Variants in TRAPPC9 observed in about 807,000 individuals in gnomAD.
TRAPPC9 encodes IKK2 binding protein.
TRAPPC9 carries 83 observed loss-of-function variants against 124.0 expected under a neutral mutation model. The observed-to-expected ratio is 0.67, with a 90% CI of 0.56 to 0.80. The LOEUF (loss-of-function observed/expected upper bound fraction) is 0.80. TRAPPC9 is among the 30% of genes least tolerant of loss of function. The pLI is 0.00. For synonymous variants in TRAPPC9, 638 were observed against 617.5 expected (o/e 1.03, Z -0.49); for missense variants, 1,302 against 1,508.3 (o/e 0.86, Z 2.27).
At chr8:140,043,947 A>C (rs947688911) in intron 17 of TRAPPC9, among the ~76,000 whole-genome samples, 6 of 152,100 alleles carry the variant, frequency 3.9e-5, no homozygotes, top group Non-Finnish European at 5.9e-5. Flanking sequence ...TTCTACCATG[A>C]GGCCTGCCTA....
chr8:140,313,457 CACAG>C (rs1199120305), intron 9 of TRAPPC9, among the ~76,000 whole-genome samples: 1 of 152,198 alleles, frequency 6.6e-6, no homozygotes, highest in East Asian at 1.9e-4. Flanking sequence ...CACTGAGTAG[CACAG>C]GGGAGGCTGC....
intron 16 of TRAPPC9, among the ~76,000 whole-genome samples, chr8:140,230,966 AG>A (rs1479890202): frequency 2.0e-5 from 3 of 152,174 alleles, no homozygotes; most frequent in Non-Finnish European, 2.9e-5. Flanking sequence ...TGACTGACAC[AG>A]GAAGTCAGAC....
At chr8:140,236,736 T>C (rs2063739666) in intron 16 of TRAPPC9, among the ~76,000 whole-genome samples, 1 of 152,116 alleles carries the variant, frequency 6.6e-6, no homozygotes, top group Non-Finnish European at 1.5e-5. Flanking sequence ...ACATTTAAAA[T>C]GAAAAATAAA....
At chr8:140,238,128 G>A (rs1458902683) in intron 16 of TRAPPC9, among the ~76,000 whole-genome samples, 1 of 152,182 alleles carries the variant, frequency 6.6e-6, no homozygotes, top group Non-Finnish European at 1.5e-5. Context: ...GGCGGAAAGG[G>A]CAGTAATGAG....
chr8:139,910,957 TTAAGAC>T (rs1298175313), intron 19 of TRAPPC9, among the ~76,000 whole-genome samples: 2 of 152,214 alleles, frequency 1.3e-5, no homozygotes, highest in Non-Finnish European at 2.9e-5. Flanking sequence ...TTGAAATCAG[TTAAGAC>T]TTTGGGAGAC....
At chr8:139,874,072 G>A (rs1315878640) in intron 21 of TRAPPC9, among the ~76,000 whole-genome samples, 2 of 152,248 alleles carry the variant, frequency 1.3e-5, no homozygotes, top group East Asian at 1.9e-4. Flanking sequence ...AGGCACGCAC[G>A]CTGCACCAGT....
chr8:140,405,671 G>C lies in TRAPPC9; in HGVS notation c.914C>G (p.Pro305Arg). The C allele has an allele frequency of 1.2e-6, 2 of 1,614,180 alleles. No individual in the cohort carries two copies. The highest frequency in any genetic ancestry group is 1.7e-6 in the Non-Finnish European group (2 of 1,180,024). Residue 305 changes from proline (P) to arginine (R), a missense_variant, in exon 6 of 23, where the codon CCT becomes CGT. This residue lies in a region of TRAPPC9 where 657 missense variants were observed against 811.2 expected (regional missense o/e 0.81). Coordinates refer to ENST00000438773, the MANE Select transcript of TRAPPC9 (RefSeq NM_001160372.4). Reference sequence around the variant, plus strand: ...ACGTCCGATCTCAGTACTGGTGTCAGGGTTGATGCCATTGGTGGTGAGGGC... The same window carrying C: ...ACGTCCGATCTCAGTACTGGTGTCACGGTTGATGCCATTGGTGGTGAGGGC... ...PGALTTNGIN[P>R]DTSTEIGRAK...
At chr8:140,125,220 C>T (rs2061067145) in intron 17 of TRAPPC9, among the ~76,000 whole-genome samples, 1 of 152,196 alleles carries the variant, frequency 6.6e-6, no homozygotes, top group Middle Eastern at 3.2e-3. Context: ...CCCTAAGGGC[C>T]TCAAAGGTAA....
chr8:140,014,745 A>T (rs1839355393), intron 18 of TRAPPC9, among the ~76,000 whole-genome samples: 1 of 152,328 alleles, frequency 6.6e-6, no homozygotes, highest in East Asian at 1.9e-4. Flanking sequence ...CCAAGGCCAC[A>T]GTTCAGATTG....
chr8:140,456,751 G>A, intron 1 of TRAPPC9: 1 of 980,268 alleles, frequency 1.0e-6, no homozygotes, highest in Non-Finnish European at 1.2e-6. Flanking sequence ...ACAGTCACCA[G>A]TTTAAACTGG....
chr8:140,271,271 T>G (rs1198364346), intron 15 of TRAPPC9, among the ~76,000 whole-genome samples: 2 of 152,128 alleles, frequency 1.3e-5, no homozygotes, highest in Non-Finnish European at 2.9e-5. Context: ...AGCATGAAAT[T>G]AAGGTAGTAT....
chr8:140,161,413 A>AT (rs771837969), intron 17 of TRAPPC9, among the ~76,000 whole-genome samples: 35 of 48,700 alleles, frequency 7.2e-4, no homozygotes, highest in Non-Finnish European at 1.1e-3. Context: ...AAACATCTCC[A>AT]ATTTTTTTTT....
chr8:139,761,550 C>T (rs766105372), intron 21 of TRAPPC9, among the ~76,000 whole-genome samples: 2 of 152,142 alleles, frequency 1.3e-5, no homozygotes, highest in Non-Finnish European at 2.9e-5. Context: ...CCACACCCTG[C>T]CTGGTACTAT....
At chr8:140,272,372 GTGGTGGTGA>G (rs1241868934) in intron 15 of TRAPPC9, among the ~76,000 whole-genome samples, 46 of 96,880 alleles carry the variant, frequency 4.7e-4, no homozygotes, top group South Asian at 2.2e-3. Context: ...GGTAGTGAGG[GTGGTGGTGA>G]TGATGGTGAT....
chr8:139,952,062 C>A (rs1039059994), intron 19 of TRAPPC9, among the ~76,000 whole-genome samples: 1 of 152,180 alleles, frequency 6.6e-6, no homozygotes, highest in African/African-American at 2.4e-5. Context: ...TAATCATCTC[C>A]TCAAGCTTAA....
At chr8:140,414,338 A>G (rs2069824026) in intron 5 of TRAPPC9, among the ~76,000 whole-genome samples, 1 of 152,184 alleles carries the variant, frequency 6.6e-6, no homozygotes, top group African/African-American at 2.4e-5. Flanking sequence ...GTTCGAGACC[A>G]GCATGGGCAA....
At chr8:140,321,611 G>C (rs1588148193) in intron 9 of TRAPPC9, among the ~76,000 whole-genome samples, 1 of 152,200 alleles carries the variant, frequency 6.6e-6, no homozygotes, top group South Asian at 2.1e-4. Context: ...AGAGGAGCAA[G>C]AGAAGGGAGA....
intron 17 of TRAPPC9, among the ~76,000 whole-genome samples, chr8:140,193,622 GAAAAAAAAA>G (rs72383095): frequency 1.3e-5 from 1 of 77,334 alleles, no homozygotes; most frequent in African/African-American, 5.1e-5. Context: ...TGTACTTTCA[GAAAAAAAAA>G]AAAAAAAAAA....
chr8:139,764,321 AG>A (rs1194220645), intron 21 of TRAPPC9, among the ~76,000 whole-genome samples: 2 of 152,170 alleles, frequency 1.3e-5, no homozygotes, highest in African/African-American at 4.8e-5. Context: ...CGTGGATCAC[AG>A]GAGATGGTGG....
Sources: allele counts gnomAD v4.1 joint callset (sites outside exome capture counted in the v4.1 genomes callset), GRCh38; gene constraint gnomAD v4.1.1; regional missense constraint gnomAD v4.1.1; transcripts MANE v1.5; gene names NCBI Gene and HGNC (gene_info 2026-07-23, HGNC 2026-07-21).